PSORS1C1: variants seen among roughly 807,000 people sequenced by gnomAD.
PSORS1C1 encodes psoriasis susceptibility 1 candidate 1, also known as psoriasis susceptibility 1 candidate gene 1 protein.
A neutral mutation model predicts 9.4 loss-of-function variants in PSORS1C1; 7 were observed. The ratio of observed to expected loss-of-function variants is 0.75; its 90% CI spans 0.42 to 1.40. The LOEUF is 1.40. Among genes scored for constraint, PSORS1C1 ranks in the 40% most tolerant of loss-of-function variants. The pLI is 0.01. For missense variants in PSORS1C1, 146 were observed against 178.1 expected, an observed-to-expected ratio of 0.82 and a Z score of 1.02; for synonymous variants, 63 against 69.4, an observed-to-expected ratio of 0.91 and a Z score of 0.46.
chr6:31,116,182 T>C, intron 1 of PSORS1C1: 1 of 1,612,890 alleles, frequency 6.2e-7, no homozygotes, highest in Non-Finnish European at 8.5e-7. Context: ...AGCGGAGGGA[T>C]CAGGATGGGG....
At position 31,138,722 on chromosome 6, in the gene PSORS1C1, G is replaced by A. The variant is rs9263726; in HGVS notation, c.110G>A (p.Arg37His). The A allele has an allele frequency of 0.13, 202,814 of 1,608,304 alleles. 13,529 individuals are homozygous for A. Among genetic ancestry groups the A allele is most frequent in the African/African-American group, 0.17 (12,477 of 73,616 alleles). Residue 37 changes from arginine to histidine, a missense_variant, in exon 5 of 6, where the codon CGT becomes CAT. Physicochemically the swap from Arg to His is conservative, Grantham distance 29 (BLOSUM62 0). Transcript: ENST00000259881. The part of the protein sequence containing the change: ...LNTDPSSEET[R>H]PPHVNPDRLC... Reference sequence around the variant, plus strand: ...ACAGATCCCAGCTCCGAGGAAACTCGTCCCCCCCACGTTAATCCTGACCGA... The same window carrying A: ...ACAGATCCCAGCTCCGAGGAAACTCATCCCCCCCACGTTAATCCTGACCGA...
At chr6:31,121,297 C>T (rs1772451813) in intron 1 of PSORS1C1, among the ~76,000 whole-genome samples, 2 of 152,174 alleles carry the variant, frequency 1.3e-5, no homozygotes, top group Non-Finnish European at 2.9e-5. Flanking sequence ...TAACCCAGAC[C>T]TCAAGGGTGA....
chr6:31,119,036 G>T (rs1382667177), intron 1 of PSORS1C1, among the ~76,000 whole-genome samples: 1 of 151,774 alleles, frequency 6.6e-6, no homozygotes, highest in East Asian at 1.9e-4. Context: ...TAGAGAGGGG[G>T]TTTCACCATC....
chr6:31,137,934 C>A, intron 3 of PSORS1C1: 1 of 1,316,694 alleles, frequency 7.6e-7, no homozygotes, highest in South Asian at 1.7e-5. Context: ...GGGAACAGAA[C>A]GGCTGAGGGG....
chr6:31,116,080 T>A, intron 1 of PSORS1C1: 4 of 1,612,122 alleles, frequency 2.5e-6, no homozygotes, highest in Non-Finnish European at 3.4e-6. Context: ...GTCAGCTAGC[T>A]GGGGCCCCAG....
chr6:31,138,886 C>T, intron 5 of PSORS1C1, 107 bp downstream of exon 5: 1 of 1,600,454 alleles, frequency 6.2e-7, no homozygotes, highest in Non-Finnish European at 8.6e-7. Context: ...TTCCTGTCCC[C>T]AACCCCATGC....
intron 1 of PSORS1C1, chr6:31,120,560 T>C: frequency 1.3e-6 from 1 of 745,742 alleles, no homozygotes; most frequent in East Asian, 2.7e-5. Flanking sequence ...GGGAAGTTGG[T>C]GTGGCCGGGA....
chr6:31,139,814 C>T lies in PSORS1C1; in HGVS notation c.341C>T (p.Pro114Leu), dbSNP rs1051190060. Residue 114 changes from proline to leucine, a missense_variant, in exon 6 of 6, where the codon CCT (proline) becomes CTT (leucine). Pro to Leu is a moderately conservative substitution (Grantham distance 98). Coordinates refer to ENST00000259881, the MANE Select transcript of PSORS1C1 (RefSeq NM_014068.3). The surrounding 1 kb of genome is among the most constrained non-coding windows in gnomAD (Gnocchi z 5.2). ...GAAGAAGCTGCCAGGCTCCAGCAAC[C>T]TCAGCCCCTTCCTCCTCCCTCAGGA... ...APEEAARLQQ[P>L]QPLPPPSGIH... 6.2e-7 allele frequency: 1 copy of T among 1,613,140 alleles called. No individual in the cohort carries two copies. Among genetic ancestry groups the T allele is most frequent in the Non-Finnish European group, 8.5e-7 (1 of 1,180,030 alleles).
chr6:31,117,573 CTT>C, intron 1 of PSORS1C1: 3 of 1,503,410 alleles, frequency 2.0e-6, no homozygotes, highest in Non-Finnish European at 2.7e-6. Context: ...GGAGGCTTGG[CTT>C]CCTCCCTCAC....
rs377173204 is a variant in PSORS1C1 at position 31,124,899 on chromosome 6, C to G, written c.-228-777C>G. On this transcript the variant is annotated intron_variant, in intron 1 of 5. Coordinates refer to ENST00000259881, the MANE Select transcript of PSORS1C1 (RefSeq NM_014068.3). ...AGGAGAATCATTTGAACCGGCGAGG[C>G]GGAGGCTGCAGTGAGCCGATTTCAT... is the stretch of plus-strand genomic sequence containing the variant. Among the ~76,000 whole-genome samples the G allele has an allele frequency of 6.2e-4, 94 of 152,034 alleles. No individual in the cohort carries two copies. The East Asian group carries it at 8.1e-3, about 13-fold the overall frequency.
chr6:31,124,356 G>A (rs998736376), intron 1 of PSORS1C1, among the ~76,000 whole-genome samples: 7 of 152,132 alleles, frequency 4.6e-5, no homozygotes, highest in Admixed American at 1.3e-4. Flanking sequence ...CGGTGCCTGG[G>A]TATTTAACAT....
At chr6:31,121,917 A>G (rs1292413911) in intron 1 of PSORS1C1, among the ~76,000 whole-genome samples, 1 of 152,246 alleles carries the variant, frequency 6.6e-6, no homozygotes, top group Non-Finnish European at 1.5e-5. Flanking sequence ...ACGTGCAGCT[A>G]GTGGCTGCCA....
At chr6:31,133,029 G>A (rs960756031) in intron 3 of PSORS1C1, among the ~76,000 whole-genome samples, 2 of 152,172 alleles carry the variant, frequency 1.3e-5, no homozygotes, top group Admixed American at 6.6e-5. Context: ...GTGGTGGCAT[G>A]TGAGGATGTG....
chr6:31,120,412 G>A (rs374928892), intron 1 of PSORS1C1: 28 of 1,586,172 alleles, frequency 1.8e-5, no homozygotes, highest in African/African-American at 1.7e-4. Context: ...TGCCCGAGAC[G>A]AGCCCATCTC....
intron 2 of PSORS1C1, among the ~76,000 whole-genome samples, chr6:31,129,354 G>A (rs1191436985): frequency 6.6e-6 from 1 of 152,176 alleles, no homozygotes; most frequent in Non-Finnish European, 1.5e-5. Flanking sequence ...CAGGTAGAGA[G>A]GAACCAGCAT....
Position 31,139,623 on chromosome 6 carries a change from C to T in PSORS1C1, c.168-18C>T, listed in dbSNP as rs1441932885. ...CATGGGATCCAGGCATCCTGCTCTC[C>T]ACCATGTCCTTCTTCAGGCATGCAG... On this transcript the variant is annotated intron_variant, in intron 5 of 5. Transcript: ENST00000259881. This position sits in a 1 kb window ranked among gnomAD's most constrained non-coding sequence, Gnocchi z 5.2. The T allele has an allele frequency of 6.3e-7, 1 of 1,593,946 alleles. No homozygotes were observed. The highest frequency in any genetic ancestry group is 1.2e-5 in the South Asian group (1 of 85,626).
chr6:31,138,072 G>C, intron 3 of PSORS1C1: 1 of 1,560,868 alleles, frequency 6.4e-7, no homozygotes, highest in Non-Finnish European at 8.7e-7. Context: ...AGGGTCGTCA[G>C]GCCGGGGAGG....
chr6:31,121,549 G>A (rs929474920), intron 1 of PSORS1C1, among the ~76,000 whole-genome samples: 8 of 152,104 alleles, frequency 5.3e-5, no homozygotes, highest in Non-Finnish European at 1.2e-4. Flanking sequence ...CCCCTGCCCC[G>A]CCCCAGCCAA....
At chr6:31,120,049 AC>A (rs1772372813) in intron 1 of PSORS1C1, among the ~76,000 whole-genome samples, 1 of 152,214 alleles carries the variant, frequency 6.6e-6, no homozygotes, top group Non-Finnish European at 1.5e-5. Flanking sequence ...AATAAAAATC[AC>A]CACCACCATT....
Sources: gnomAD v4.1 joint callset for allele counts (sites outside exome capture counted in the v4.1 genomes callset) on GRCh38, gnomAD v4.1.1 for gene constraint, Gnocchi (gnomAD v3.1) non-coding constraint, MANE v1.5 for transcripts, NCBI Gene and HGNC (gene_info 2026-07-23, HGNC 2026-07-21) for gene names.